HECW1: variants seen among roughly 807,000 people sequenced by gnomAD.
HECW1 encodes E3 ubiquitin-protein ligase HECW1.
HECW1 carries 61 observed loss-of-function variants against 182.3 expected under a neutral mutation model. That is an observed-to-expected ratio of 0.33 (90% CI 0.27 to 0.41). The LOEUF (loss-of-function observed/expected upper bound fraction) is 0.41. HECW1 is among the 10% of genes least tolerant of loss of function. The probability of loss-of-function intolerance (pLI) is 1.00; values close to 1 mark genes in which losing one functional copy is unlikely to be tolerated. For missense variants in HECW1, 1,739 were observed against 2,108.9 expected (o/e 0.82, Z 3.44); for synonymous variants, 859 against 832.6 (o/e 1.03, Z -0.55).
intron 2 of HECW1, among the ~76,000 whole-genome samples, chr7:43,180,300 G>T (rs1253212670): frequency 1.7e-5 from 2 of 120,946 alleles, no homozygotes; most frequent in African/African-American, 6.8e-5. Context: ...TTTAATGGTT[G>T]GAGGGTGCAC....
chr7:43,462,488 T>C (rs1254582513), intron 13 of HECW1, among the ~76,000 whole-genome samples: 5 of 151,430 alleles, frequency 3.3e-5, no homozygotes, highest in Non-Finnish European at 7.4e-5. Flanking sequence ...GAAATGCACA[T>C]TCTGGAAAAA....
Position 43,479,672 on chromosome 7 carries a change from G to A in HECW1, c.3162G>A (p.Gln1054=), listed in dbSNP as rs775659881. The A allele has an allele frequency of 3.7e-6, 6 of 1,613,948 alleles. No individual in the cohort carries two copies. The African/African-American group carries it at 5.3e-5, about 14-fold the overall frequency. ...TTFIDPRIPL[Q]NGRLPNHLTH... ...TCATTGACCCCCGAATCCCTCTTCA[G>A]AACGGTCGTCTTCCCAATCATCTAA... Residue 1054 remains glutamine, a synonymous_variant, in exon 17 of 30, where the codon CAG becomes CAA. Coordinates refer to ENST00000395891, the MANE Select transcript of HECW1 (RefSeq NM_015052.5).
intron 3 of HECW1, among the ~76,000 whole-genome samples, chr7:43,307,780 A>G (rs1478974047): frequency 1.3e-5 from 2 of 151,054 alleles, no homozygotes; most frequent in African/African-American, 2.4e-5. Flanking sequence ...ATTTGCTCAA[A>G]TGTGCTCACC....
chr7:43,483,492 A>G (rs1411883310), intron 17 of HECW1, among the ~76,000 whole-genome samples: 2 of 151,222 alleles, frequency 1.3e-5, no homozygotes, highest in South Asian at 2.1e-4. Flanking sequence ...AGCTCACTTC[A>G]CATAGGGAGT....
intron 2 of HECW1, among the ~76,000 whole-genome samples, chr7:43,133,249 CATTT>C (rs1309803574): frequency 2.6e-5 from 4 of 151,560 alleles, no homozygotes; most frequent in African/African-American, 7.3e-5. Flanking sequence ...AATATATACA[CATTT>C]ATATATAAAT....
At chr7:43,247,654 G>T (rs1799507680) in intron 3 of HECW1, among the ~76,000 whole-genome samples, 1 of 135,262 alleles carries the variant, frequency 7.4e-6, no homozygotes, top group African/African-American at 2.7e-5. Context: ...GAAAGAGAGA[G>T]AGAGAGGAAG....
In HECW1 at chr7:43,565,124, G is replaced by A. The variant is rs1185666198; in HGVS notation, c.*3198G>A. ...TATCACAAATGTTTTATTCTACAGT[G>A]TGAAGATGATAATCCTAAAAATGGA... On this transcript the variant is annotated 3_prime_UTR_variant, in exon 30 of 30. Coordinates refer to ENST00000395891, the MANE Select transcript of HECW1 (RefSeq NM_015052.5). 2 of 198,668 alleles carry A rather than the reference G, an allele frequency of 1.0e-5. No homozygotes were observed. The highest frequency in any genetic ancestry group is 2.1e-5 in the Non-Finnish European group (2 of 96,326). The allele number at this position is 198,668 out of a possible 1,614,324, so 12.3% of individuals were successfully genotyped here. A position where few individuals can be genotyped will look rare whatever the true frequency, so the allele number is the denominator to read the frequency against.
At chr7:43,416,803 C>T (rs1294583454) in intron 8 of HECW1, among the ~76,000 whole-genome samples, 4 of 148,354 alleles carry the variant, frequency 2.7e-5, no homozygotes, top group East Asian at 2.0e-4. Context: ...CAGGTGCGTC[C>T]GTCACCCCTT....
intron 2 of HECW1, among the ~76,000 whole-genome samples, chr7:43,240,616 G>C (rs992830147): frequency 1.3e-5 from 2 of 152,190 alleles, no homozygotes; most frequent in Non-Finnish European, 2.9e-5. Flanking sequence ...GAAACATCCT[G>C]CTTGGTTCAT....
At chr7:43,240,622 T>C (rs1314262331) in intron 2 of HECW1, among the ~76,000 whole-genome samples, 2 of 152,058 alleles carry the variant, frequency 1.3e-5, no homozygotes, top group Non-Finnish European at 2.9e-5. Flanking sequence ...TCCTGCTTGG[T>C]TCATTTGATT....
At chr7:43,209,434 T>C (rs1795800649) in intron 2 of HECW1, among the ~76,000 whole-genome samples, 1 of 152,124 alleles carries the variant, frequency 6.6e-6, no homozygotes, top group South Asian at 2.1e-4. Context: ...TTCTCTGCCT[T>C]TTTCAGGCCA....
intron 3 of HECW1, chr7:43,245,639 G>C (rs1179014231): frequency 6.6e-6 from 1 of 152,232 alleles, no homozygotes; most frequent in Non-Finnish European, 1.5e-5. Flanking sequence ...CAGTGATCCA[G>C]GAAACAGAAG....
intron 24 of HECW1, among the ~76,000 whole-genome samples, chr7:43,530,275 G>A (rs189776731): frequency 4.7e-4 from 71 of 151,788 alleles, no homozygotes; most frequent in South Asian, 4.6e-3. Context: ...TACTGTAATC[G>A]ACACTTTACT....
intron 3 of HECW1, among the ~76,000 whole-genome samples, chr7:43,264,668 C>A (rs1057454833): frequency 6.6e-6 from 1 of 152,038 alleles, no homozygotes; most frequent in South Asian, 2.1e-4. Flanking sequence ...ACACAGTGAA[C>A]CCCGTCTCTA....
At chr7:43,356,466 C>T (rs1218835121) in intron 5 of HECW1, among the ~76,000 whole-genome samples, 7 of 152,048 alleles carry the variant, frequency 4.6e-5, no homozygotes, top group Non-Finnish European at 1.0e-4. Context: ...TAATAGGGGA[C>T]TTCAATACCC....
intron 2 of HECW1, among the ~76,000 whole-genome samples, chr7:43,122,899 C>G (rs1460804775): frequency 2.6e-5 from 4 of 152,148 alleles, no homozygotes; most frequent in African/African-American, 9.7e-5. Flanking sequence ...ATTTTCAAAT[C>G]ATTTTCCGTT....
intron 2 of HECW1, among the ~76,000 whole-genome samples, chr7:43,211,552 A>G (rs1355694040): frequency 6.6e-6 from 1 of 152,120 alleles, no homozygotes; most frequent in Non-Finnish European, 1.5e-5. Context: ...AGACTTTCCA[A>G]GGGGGACTCA....
intron 6 of HECW1, among the ~76,000 whole-genome samples, chr7:43,374,858 A>G (rs1014242676): frequency 1.1e-4 from 16 of 151,672 alleles, no homozygotes; most frequent in African/African-American, 3.9e-4. Context: ...CTAAAAAAAT[A>G]CATACCTAAT....
intron 24 of HECW1, among the ~76,000 whole-genome samples, chr7:43,527,622 C>T (rs1338133842): frequency 2.6e-5 from 4 of 152,192 alleles, no homozygotes; most frequent in South Asian, 2.1e-4. Context: ...AATAACATCA[C>T]GTTCACAGGT....
Sources: gnomAD v4.1 joint callset for allele counts (sites outside exome capture counted in the v4.1 genomes callset) on GRCh38, gnomAD v4.1.1 for gene constraint, MANE v1.5 for transcripts, NCBI Gene and HGNC (gene_info 2026-07-23, HGNC 2026-07-21) for gene names.